The following CLPB variants were observed in gnomAD, a reference collection of about 807,000 sequenced individuals.
CLPB encodes the protein ClpB family mitochondrial disaggregase, also known as mitochondrial disaggregase.
Under a neutral mutation model 78.4 loss-of-function variants are expected in CLPB, and 40 were observed. The observed-to-expected ratio is 0.51, with a 90% confidence interval of 0.40 to 0.66. The LOEUF (loss-of-function observed/expected upper bound fraction) is 0.66, where lower values mean the gene tolerates loss of function less well. Among genes scored for constraint, CLPB ranks in the 30% least tolerant of loss-of-function variants. The pLI is 0.00. For synonymous variants in CLPB, 333 were observed against 348.0 expected (o/e 0.96, Z 0.48); for missense variants, 780 against 886.9 (o/e 0.88, Z 1.53).
intron 4 of CLPB, among the ~76,000 whole-genome samples, chr11:72,372,691 C>G (rs977512211): frequency 6.6e-6 from 1 of 152,192 alleles, no homozygotes; most frequent in African/African-American, 2.4e-5. Context: ...GGTCCAGGAA[C>G]CTGTGTTTTA....
chr11:72,382,855 A>G (rs1161164331), intron 3 of CLPB, among the ~76,000 whole-genome samples: 1 of 152,188 alleles, frequency 6.6e-6, no homozygotes, highest in African/African-American at 2.4e-5. Context: ...AAGGATCAGT[A>G]ACCAACCCTA....
Position 72,434,133 on chromosome 11 carries a change from GC to G in CLPB, c.341del (p.Gly114AlafsTer104), listed in dbSNP as rs1238693985. The G allele has an allele frequency of 6.2e-7, 1 of 1,612,230 alleles. No individual in the cohort carries two copies. Among genetic ancestry groups the G allele is most frequent in the East Asian group, 2.2e-5 (1 of 44,882 alleles). ...CCAGCGCTGCGGCCAGGGCGCACATGCCCAGTCCGGCCCTGCTGGGGACCCC... is the reference window on the plus strand; with the variant it reads ...CCAGCGCTGCGGCCAGGGCGCACATGCCAGTCCGGCCCTGCTGGGGACCCC... ...WNGVPSRAGL[G>X]MCALAAALVV... On this transcript the variant is annotated frameshift_variant, in exon 1 of 16. Transcript: ENST00000538039. LOFTEE classifies it high-confidence loss of function.
At chr11:72,400,649 G>C (rs1855534502) in intron 3 of CLPB, among the ~76,000 whole-genome samples, 1 of 152,216 alleles carries the variant, frequency 6.6e-6, no homozygotes, top group Non-Finnish European at 1.5e-5. Context: ...ACAGCTACAA[G>C]CTGGGGGAAA....
chr11:72,319,620 GT>G (rs1163637032), intron 6 of CLPB, among the ~76,000 whole-genome samples: 2 of 152,260 alleles, frequency 1.3e-5, no homozygotes, highest in East Asian at 3.9e-4. Flanking sequence ...CAGAATCTTA[GT>G]TTTCCTCATT....
intron 2 of CLPB, among the ~76,000 whole-genome samples, chr11:72,405,463 C>T (rs1323158815): frequency 6.6e-6 from 1 of 152,170 alleles, no homozygotes; most frequent in African/African-American, 2.4e-5. Flanking sequence ...ATATAATGAT[C>T]AGGTGTTCGC....
chr11:72,329,475 C>T (rs1950183950), intron 6 of CLPB, among the ~76,000 whole-genome samples: 1 of 152,200 alleles, frequency 6.6e-6, no homozygotes, highest in Non-Finnish European at 1.5e-5. Flanking sequence ...GCCAAGGCCG[C>T]TCCCTGGTCA....
intron 3 of CLPB, among the ~76,000 whole-genome samples, chr11:72,396,750 A>T (rs930986390): frequency 3.9e-5 from 6 of 152,232 alleles, no homozygotes; most frequent in African/African-American, 1.4e-4. Flanking sequence ...ATATCACTCT[A>T]ATGTGAGATA....
chr11:72,424,635 C>T (rs900946831), intron 2 of CLPB, among the ~76,000 whole-genome samples: 19 of 152,040 alleles, frequency 1.2e-4, no homozygotes, highest in Non-Finnish European at 2.5e-4. Flanking sequence ...GTGGCTCACG[C>T]CTGTAATCCC....
intron 2 of CLPB, among the ~76,000 whole-genome samples, chr11:72,428,016 T>C (rs1856437745): frequency 6.6e-6 from 1 of 152,118 alleles, no homozygotes; most frequent in Admixed American, 6.5e-5. Context: ...GCAAGGATGG[T>C]CAGGCTCCCT....
Position 72,317,223 on chromosome 11 carries a change from G to A in CLPB, c.874-3C>T. The A allele has an allele frequency of 1.2e-6, 2 of 1,604,322 alleles. No homozygotes were observed. The highest frequency in any genetic ancestry group is 1.7e-6 in the Non-Finnish European group (2 of 1,175,598). ...CGCTTCCGCTGCTTCTCTTGGTACT[G>A]TGGGGAGAGAGGGCAAATGGTTGAG... is the stretch of plus-strand genomic sequence containing the variant. On this transcript the variant is annotated splice_polypyrimidine_tract_variant and splice_region_variant and intron_variant, in intron 6 of 15. Coordinates refer to ENST00000538039, the MANE Select transcript of CLPB (RefSeq NM_001258392.3).
intron 4 of CLPB, among the ~76,000 whole-genome samples, chr11:72,367,166 A>G (rs1950960179): frequency 6.6e-6 from 1 of 151,966 alleles, no homozygotes; most frequent in Admixed American, 6.6e-5. Flanking sequence ...CTCACTTACT[A>G]TTATTATTAT....
intron 6 of CLPB, among the ~76,000 whole-genome samples, chr11:72,319,306 C>A (rs949419294): frequency 1.3e-5 from 2 of 152,242 alleles, no homozygotes; most frequent in Non-Finnish European, 2.9e-5. Flanking sequence ...ATGTTTATTT[C>A]TCTCTATAGT....
In CLPB at chr11:72,293,210, G is replaced by T; in HGVS notation, c.*157C>A. 1.1e-6 allele frequency: 1 copy of T among 889,690 alleles called. No homozygotes were observed. The highest frequency in any genetic ancestry group is 1.7e-6 in the Non-Finnish European group (1 of 592,488). The allele number at this position is 889,690 out of a possible 1,614,324, so 55.1% of individuals were successfully genotyped here. A position where few individuals can be genotyped will look rare whatever the true frequency, so the allele number is the denominator to read the frequency against. On this transcript the variant is annotated 3_prime_UTR_variant, in exon 16 of 16. Transcript: ENST00000538039. ...GGCGAAATTCCTCCTTCAGGTTTTG[G>T]GGCTGAGAAGGGGTCTTCATGGGCT...
At chr11:72,354,623 T>C (rs768289472) in intron 5 of CLPB, 22 of 326,884 alleles carry the variant, frequency 6.7e-5, no homozygotes, top group Admixed American at 4.9e-5. Context: ...CCACCACACC[T>C]GCATTCAAGT....
At chr11:72,400,353 G>C (rs1165993370) in intron 3 of CLPB, among the ~76,000 whole-genome samples, 1 of 151,874 alleles carries the variant, frequency 6.6e-6, no homozygotes. Flanking sequence ...AGGAACCAAA[G>C]CAAGTAAATA....
intron 6 of CLPB, among the ~76,000 whole-genome samples, chr11:72,318,190 C>T (rs1276795742): frequency 6.6e-6 from 1 of 152,184 alleles, no homozygotes; most frequent in Admixed American, 6.5e-5. Context: ...TGGGTCCTGG[C>T]ATAGTGGGGC....
chr11:72,391,502 G>A (rs1355411844), intron 3 of CLPB, among the ~76,000 whole-genome samples: 1 of 152,194 alleles, frequency 6.6e-6, no homozygotes, highest in Non-Finnish European at 1.5e-5. Flanking sequence ...CCTGCCCAGT[G>A]CCTGGATCAC....
intron 11 of CLPB, among the ~76,000 whole-genome samples, chr11:72,297,728 CTG>C (rs925498279): frequency 1.2e-4 from 16 of 133,934 alleles, no homozygotes; most frequent in Admixed American, 3.1e-4. Context: ...GTGCATATGA[CTG>C]TGTGTGTGTT....
Position 72,317,115 on chromosome 11 carries a change from C to T in CLPB, c.979G>A (p.Val327Met), listed in dbSNP as rs746639902. The part of the protein sequence containing the change: ...IIGQESAIAT[V>M]GAAIRRKENG... Reference sequence around the variant, plus strand: ...TGTCCCACACACTCACCAGCACCCACTGTGGCGATGGCGCTCTCCTGGCCA... The same window carrying T: ...TGTCCCACACACTCACCAGCACCCATTGTGGCGATGGCGCTCTCCTGGCCA... The change falls in exon 7 of 16, where the codon GTG (valine) becomes ATG (methionine). Residue 327 changes from valine to methionine, a missense_variant. Physicochemically the swap from Val to Met is conservative, Grantham distance 21. Around this residue, in one of 3 missense-constraint regions of CLPB, gnomAD observed 91 missense variants for 168.2 expected, o/e 0.54. Coordinates refer to ENST00000538039, the MANE Select transcript of CLPB (RefSeq NM_001258392.3). The T allele has an allele frequency of 1.2e-6, 2 of 1,609,866 alleles. No individual in the cohort carries two copies. Among genetic ancestry groups the T allele is most frequent in the Non-Finnish European group, 1.7e-6 (2 of 1,178,452 alleles).
Sources: allele counts gnomAD v4.1 joint callset (sites outside exome capture counted in the v4.1 genomes callset), GRCh38; gene constraint gnomAD v4.1.1; regional missense constraint gnomAD v4.1.1; transcripts MANE v1.5; gene names NCBI Gene and HGNC (gene_info 2026-07-23, HGNC 2026-07-21).